The following SEMA6D variants were observed in gnomAD, a reference collection of about 807,000 sequenced individuals.
The protein encoded by SEMA6D is semaphorin-6D.
In SEMA6D, 35 loss-of-function variants were observed where a neutral mutation model predicts 106.6. That is an observed-to-expected ratio of 0.33 (90% CI 0.25 to 0.44). The LOEUF is 0.44. Ranked by LOEUF, SEMA6D falls within the 20% of genes least tolerant of loss-of-function variation. The pLI is 1.00. For missense variants in SEMA6D, 1,185 were observed against 1,345.9 expected (o/e 0.88, Z 1.87); for synonymous variants, 499 against 487.7 (o/e 1.02, Z -0.31).
chr15:47,300,077 G>C (rs2035962189), intron 1 of SEMA6D, among the ~76,000 whole-genome samples: 1 of 152,212 alleles, frequency 6.6e-6, no homozygotes, highest in South Asian at 2.1e-4. Context: ...TGGAGAGTCT[G>C]ATTAATCTGA....
intron 1 of SEMA6D, among the ~76,000 whole-genome samples, chr15:47,192,057 G>A (rs1894000416): frequency 6.6e-6 from 1 of 152,106 alleles, no homozygotes; most frequent in African/African-American, 2.4e-5. Context: ...ACACAACCAT[G>A]GTGTCATTTC....
At chr15:47,614,171 G>T (rs2076963776) in intron 4 of SEMA6D, among the ~76,000 whole-genome samples, 1 of 152,020 alleles carries the variant, frequency 6.6e-6, no homozygotes, top group East Asian at 1.9e-4. Flanking sequence ...AATGAATCAG[G>T]TGAAAAAAAG....
intron 1 of SEMA6D, among the ~76,000 whole-genome samples, chr15:47,727,664 A>T (rs2079847990): frequency 7.1e-6 from 1 of 140,670 alleles, no homozygotes; most frequent in South Asian, 2.6e-4. Context: ...TTCCCCCCCA[A>T]CCCCCCCAGT....
At chr15:47,557,529 C>G (rs2142570822) in intron 3 of SEMA6D, among the ~76,000 whole-genome samples, 1 of 152,260 alleles carries the variant, frequency 6.6e-6, no homozygotes, top group East Asian at 1.9e-4. Context: ...TAGTGCTTGG[C>G]CACCTGCCAA....
chr15:47,697,768 A>C (rs1437623042), intron 4 of SEMA6D, among the ~76,000 whole-genome samples: 1 of 152,210 alleles, frequency 6.6e-6, no homozygotes, highest in Non-Finnish European at 1.5e-5. Flanking sequence ...TTCCATCTCA[A>C]CCTGCGCCCC....
intron 4 of SEMA6D, among the ~76,000 whole-genome samples, chr15:47,619,390 T>C (rs913949123): frequency 3.9e-5 from 6 of 152,222 alleles, no homozygotes; most frequent in African/African-American, 1.4e-4. Context: ...ATGGTGGCAT[T>C]AGATGACAAG....
chr15:47,452,176 A>T (rs2042213786), intron 2 of SEMA6D, among the ~76,000 whole-genome samples: 1 of 152,048 alleles, frequency 6.6e-6, no homozygotes, highest in Non-Finnish European at 1.5e-5. Context: ...GCACTAAATT[A>T]AAACAAAACA....
intron 3 of SEMA6D, among the ~76,000 whole-genome samples, chr15:47,481,336 A>C (rs926748511): frequency 6.6e-6 from 1 of 152,192 alleles, no homozygotes; most frequent in African/African-American, 2.4e-5. Flanking sequence ...TTATAGCTGC[A>C]GAGTAGCTCT....
intron 1 of SEMA6D, among the ~76,000 whole-genome samples, chr15:47,358,752 T>C (rs2038688808): frequency 1.3e-5 from 2 of 152,212 alleles, no homozygotes; most frequent in African/African-American, 4.8e-5. Flanking sequence ...CGGAAAGCTC[T>C]GGGGGGACTC....
intron 4 of SEMA6D, among the ~76,000 whole-genome samples, chr15:47,641,144 C>G (rs1205183375): frequency 1.3e-5 from 2 of 152,220 alleles, no homozygotes; most frequent in African/African-American, 4.8e-5. Flanking sequence ...CCATTCCTCT[C>G]GCATCCCCTT....
chr15:47,387,244 A>G (rs906774869), intron 1 of SEMA6D, among the ~76,000 whole-genome samples: 4 of 152,218 alleles, frequency 2.6e-5, no homozygotes, highest in Non-Finnish European at 5.9e-5. Context: ...CACTCAGTCA[A>G]GGAAATTTAA....
intron 3 of SEMA6D, among the ~76,000 whole-genome samples, chr15:47,571,809 T>G (rs1486713699): frequency 3.3e-5 from 5 of 152,194 alleles, no homozygotes; most frequent in African/African-American, 1.2e-4. Context: ...GGTCTCAAAA[T>G]TTGGCTATAC....
At chr15:47,731,007 A>T (rs2080085261) in intron 1 of SEMA6D, 2 of 604,358 alleles carry the variant, frequency 3.3e-6, no homozygotes, top group Non-Finnish European at 5.9e-6. Flanking sequence ...TACCATGCTG[A>T]TTTTAGAAAA....
intron 1 of SEMA6D, among the ~76,000 whole-genome samples, chr15:47,363,123 T>G (rs369262452): frequency 2.0e-5 from 3 of 152,170 alleles, no homozygotes; most frequent in African/African-American, 7.2e-5. Flanking sequence ...TAACTCAGCT[T>G]ATCCTTATGA....
intron 1 of SEMA6D, among the ~76,000 whole-genome samples, chr15:47,339,661 C>T (rs1288544297): frequency 1.3e-5 from 2 of 152,058 alleles, no homozygotes; most frequent in African/African-American, 4.8e-5. Context: ...GAATTAGAGA[C>T]CAGAATGGGC....
At chr15:47,470,849 C>T (rs993896498) in intron 3 of SEMA6D, among the ~76,000 whole-genome samples, 4 of 152,108 alleles carry the variant, frequency 2.6e-5, no homozygotes, top group Non-Finnish European at 4.4e-5. Flanking sequence ...AAGCACTGCC[C>T]AAGCACACCG....
At chr15:47,326,454 G>C (rs1313942222) in intron 1 of SEMA6D, among the ~76,000 whole-genome samples, 1 of 152,234 alleles carries the variant, frequency 6.6e-6, no homozygotes, top group East Asian at 1.9e-4. Flanking sequence ...TTCACTTGGT[G>C]TGTGAAGATC....
chr15:47,609,975 C>G (rs2076863557), intron 4 of SEMA6D, among the ~76,000 whole-genome samples: 1 of 152,192 alleles, frequency 6.6e-6, no homozygotes, highest in African/African-American at 2.4e-5. Flanking sequence ...GTCTTTCTTC[C>G]TGCTCGATCC....
chr15:47,331,017 T>A (rs759227419), intron 1 of SEMA6D, among the ~76,000 whole-genome samples: 2 of 152,192 alleles, frequency 1.3e-5, no homozygotes, highest in African/African-American at 2.4e-5. Context: ...TCTTTAGCTG[T>A]GACAAAAGCA....
Sources: gnomAD v4.1 joint callset for allele counts (sites outside exome capture counted in the v4.1 genomes callset) on GRCh38, gnomAD v4.1.1 for gene constraint, MANE v1.5 for transcripts, NCBI Gene and HGNC (gene_info 2026-07-23, HGNC 2026-07-21) for gene names.